PRG2: variants seen among roughly 807,000 people sequenced by gnomAD.
The protein encoded by PRG2 is proteoglycan 2, pro eosinophil major basic protein.
Under a neutral mutation model 24.7 loss-of-function variants are expected in PRG2, and 23 were observed. The observed-to-expected ratio is 0.93, with a 90% CI of 0.67 to 1.32. The LOEUF (loss-of-function observed/expected upper bound fraction) is 1.32. PRG2 is among the 40% of genes most tolerant of loss of function. The probability of loss-of-function intolerance (pLI) is 0.00; values close to 1 mark genes in which losing one functional copy is unlikely to be tolerated. For synonymous variants in PRG2, 104 were observed against 99.8 expected, an observed-to-expected ratio of 1.04 and a Z score of -0.25; for missense variants, 271 against 280.9, an observed-to-expected ratio of 0.96 and a Z score of 0.25.
chr11:57,387,381 T>G lies in PRG2; in HGVS notation c.*94A>C. The G allele has an allele frequency of 9.1e-7, 1 of 1,104,362 alleles. No individual in the cohort carries two copies. Among genetic ancestry groups the G allele is most frequent in the Non-Finnish European group, 1.3e-6 (1 of 749,582 alleles). The allele number at this position is 1,104,362 out of a possible 1,614,324, so 68.4% of individuals were successfully genotyped here. A position where few individuals can be genotyped will look rare whatever the true frequency, so the allele number is the denominator to read the frequency against. On this transcript the variant is annotated 3_prime_UTR_variant, in exon 6 of 6. Coordinates refer to ENST00000311862, the MANE Select transcript of PRG2 (RefSeq NM_002728.6). Reference sequence around the variant, plus strand: ...ATAAATCCATTTCAGTAAAACCCATTTTATTGCAGGGAGGTGGAGGGAGGG... The same window carrying G: ...ATAAATCCATTTCAGTAAAACCCATGTTATTGCAGGGAGGTGGAGGGAGGG...
At chr11:57,390,535 C>G (rs1468919194) in intron 1 of PRG2, 61 bp downstream of exon 1, 14 of 968,304 alleles carry the variant, frequency 1.4e-5, no homozygotes, top group Non-Finnish European at 1.1e-5. Context: ...TCAGCCACAG[C>G]CAGGGACCTC....
intron 3 of PRG2, 58 bp downstream of exon 3, chr11:57,388,952 G>T (rs1857102595): frequency 6.4e-7 from 1 of 1,564,414 alleles, no homozygotes; most frequent in Non-Finnish European, 8.7e-7. Context: ...GCAATGCTGG[G>T]GGCATATCCC....
intron 5 of PRG2, 54 bp downstream of exon 5, chr11:57,387,700 G>C (rs1857071566): frequency 2.8e-6 from 4 of 1,451,138 alleles, no homozygotes; most frequent in Admixed American, 2.3e-5. Context: ...CTCCTCCTTG[G>C]GGCACTTCCC....
chr11:57,388,605 A>G lies in PRG2; in HGVS notation c.470T>C (p.Val157Ala), dbSNP rs2134472749. 14 of 1,613,918 alleles carry G rather than the reference A, an allele frequency of 8.7e-6. No individual in the cohort carries two copies. The highest frequency in any genetic ancestry group is 1.2e-5 in the Non-Finnish European group (14 of 1,179,864). Residue 157 changes from valine (V) to alanine (A), a missense_variant, in exon 4 of 6, where the codon GTC (valine) becomes GCC (alanine). Coordinates refer to ENST00000311862, the MANE Select transcript of PRG2 (RefSeq NM_002728.6). ...GCCTGTGATCCTGCCTCCAATCCAG[A>G]CTTGACCCTGGTTGAGCGCGCTGAC... ...CSVSALNQGQ[V>A]WIGGRITGSG...
chr11:57,389,304 G>A lies in PRG2; in HGVS notation c.72C>T (p.Ser24=). ...VSALHLRSET[S]TFETPLGAKT... ...TAGCACCCAAAGGGGTCTCAAAGGT[G>A]GAAGTCTCAGACCCTGGCAGGGAGG... Residue 24 remains serine (S), a synonymous_variant, in exon 3 of 6, where the codon TCC becomes TCT. Transcript: ENST00000311862. The A allele has an allele frequency of 1.9e-6, 3 of 1,612,080 alleles. No individual in the cohort carries two copies. The South Asian group carries it at 3.3e-5, about 18-fold the overall frequency.
Position 57,387,764 on chromosome 11 carries a change from C to A in PRG2, c.600G>T (p.Leu200=). ...CCAGCCCCACCTCACCTCGGGTACA[C>A]AGGGCCACGCAGTGACCACCGCGGG... The part of the protein sequence containing the change: ...PWSRGGHCVA[L]CTRGGHWRRA... Residue 200 remains leucine, a synonymous_variant, in exon 5 of 6, where the codon CTG becomes CTT. Coordinates refer to ENST00000311862, the MANE Select transcript of PRG2 (RefSeq NM_002728.6). The A allele has an allele frequency of 6.3e-7, 1 of 1,579,018 alleles. No homozygotes were observed. Among genetic ancestry groups the A allele is most frequent in the East Asian group, 2.3e-5 (1 of 43,966 alleles).
chr11:57,387,746 C>T lies in PRG2; in HGVS notation c.610+8G>A, dbSNP rs1440959591. ...CCTTTCCATCGTTCATCCCCAGCCC[C>T]ACCTCACCTCGGGTACACAGGGCCA... On this transcript the variant is annotated splice_region_variant and intron_variant, in intron 5 of 5. Coordinates refer to ENST00000311862, the MANE Select transcript of PRG2 (RefSeq NM_002728.6). 3 of 1,558,060 alleles carry T rather than the reference C, an allele frequency of 1.9e-6. No individual in the cohort carries two copies. Among genetic ancestry groups the T allele is most frequent in the African/African-American group, 2.7e-5 (2 of 74,144 alleles).
At position 57,387,765 on chromosome 11, in the gene PRG2, A is replaced by T; in HGVS notation, c.599T>A (p.Leu200Gln). ...CAGCCCCACCTCACCTCGGGTACAC[A>T]GGGCCACGCAGTGACCACCGCGGGA... ...PWSRGGHCVA[L>Q]CTRGGHWRRA... The change falls in exon 5 of 6, where the codon CTG (leucine) becomes CAG (glutamine). Residue 200 changes from leucine (L) to glutamine (Q), a missense_variant. Physicochemically the swap from Leu to Gln is moderately radical, Grantham distance 113. Transcript: ENST00000311862. The T allele has an allele frequency of 6.3e-7, 1 of 1,578,980 alleles. No individual in the cohort carries two copies. Among genetic ancestry groups the T allele is most frequent in the Non-Finnish European group, 8.6e-7 (1 of 1,163,246 alleles).
intron 2 of PRG2, 116 bp downstream of exon 2, chr11:57,389,771 C>A: frequency 2.1e-6 from 2 of 973,610 alleles, no homozygotes; most frequent in South Asian, 1.7e-5. Flanking sequence ...TTTAAGCACA[C>A]AGAAATTCAG....
chr11:57,388,962 C>G (rs369796883), intron 3 of PRG2, 48 bp downstream of exon 3: 8 of 1,582,140 alleles, frequency 5.1e-6, no homozygotes, highest in South Asian at 2.3e-5. Context: ...GGGCATATCC[C>G]ACACCCGTTC....
chr11:57,387,396 TGGAG>T lies in PRG2; in HGVS notation c.*75_*78del. 1.6e-6 allele frequency: 2 copies of T among 1,236,024 alleles called. No individual in the cohort carries two copies. Among genetic ancestry groups the T allele is most frequent in the Non-Finnish European group, 2.3e-6 (2 of 864,808 alleles). The allele number at this position is 1,236,024 out of a possible 1,614,324, so 76.6% of individuals were successfully genotyped here. On this transcript the variant is annotated 3_prime_UTR_variant, in exon 6 of 6. Coordinates refer to ENST00000311862, the MANE Select transcript of PRG2 (RefSeq NM_002728.6). Reference sequence around the variant, plus strand: ...TAAAACCCATTTTATTGCAGGGAGGTGGAGGGAGGGATGGCAAGCAGAGGAGGGG... The same window carrying T: ...TAAAACCCATTTTATTGCAGGGAGGTGGAGGGATGGCAAGCAGAGGAGGGG...
chr11:57,390,216 A>T (rs1184528025), intron 1 of PRG2, among the ~76,000 whole-genome samples: 3 of 152,172 alleles, frequency 2.0e-5, no homozygotes, highest in Admixed American at 6.5e-5. Flanking sequence ...GGAAGTAAAG[A>T]AGGGACTATT....
chr11:57,387,892 G>C, intron 4 of PRG2, 27 bp from the exon 5 acceptor site: 1 of 1,511,958 alleles, frequency 6.6e-7, no homozygotes. Context: ...GGGAAGAAGG[G>C]ATGGGGCAGA....
At chr11:57,389,792 C>T (rs369223189) in intron 2 of PRG2, 95 bp downstream of exon 2, 170 of 1,130,984 alleles carry the variant, frequency 1.5e-4, no homozygotes, top group African/African-American at 1.3e-3. Flanking sequence ...AAATAGAAGA[C>T]GATCAAAGAA....
chr11:57,388,473 T>G, intron 4 of PRG2, 104 bp downstream of exon 4: 1 of 1,524,744 alleles, frequency 6.6e-7, no homozygotes, highest in Admixed American at 1.8e-5. Context: ...CTATCCCTGG[T>G]TCTTCTGGAG....
At position 57,388,725 on chromosome 11, in the gene PRG2, A is replaced by G; in HGVS notation, c.367-17T>C. 6.2e-7 allele frequency: 1 copy of G among 1,612,728 alleles called. No individual in the cohort carries two copies. On this transcript the variant is annotated splice_polypyrimidine_tract_variant and intron_variant, in intron 3 of 5. Transcript: ENST00000311862. ...GCAAGTAAACTACAGGGCAGGATAA[A>G]AGACAAAGAATGGAGCATCCTTCCT...
Position 57,387,409 on chromosome 11 carries a change from G to A in PRG2, c.*66C>T. The A allele has an allele frequency of 1.4e-6, 2 of 1,390,736 alleles. No individual in the cohort carries two copies. The highest frequency in any genetic ancestry group is 2.0e-6 in the Non-Finnish European group (2 of 998,788). The allele number at this position is 1,390,736 out of a possible 1,614,324, so 86.1% of individuals were successfully genotyped here. ...ATTGCAGGGAGGTGGAGGGAGGGAT[G>A]GCAAGCAGAGGAGGGGAGGCAGCTG... On this transcript the variant is annotated 3_prime_UTR_variant, in exon 6 of 6. Transcript: ENST00000311862.
At position 57,389,016 on chromosome 11, in the gene PRG2, T is replaced by C. The variant is rs1249907300; in HGVS notation, c.360A>G (p.Gln120=). The C allele has an allele frequency of 1.9e-6, 3 of 1,613,450 alleles. No individual in the cohort carries two copies. Among genetic ancestry groups the C allele is most frequent in the African/African-American group, 1.3e-5 (1 of 74,914 alleles). ...TCAGCCATAGGCCACTCACCCAAGC[T>C]TGACTAAACGTCTGAAGACTTCTCA... The part of the protein sequence containing the change: ...LLVRSLQTFS[Q]AWFTCRRCYR... Residue 120 remains glutamine (Q), a synonymous_variant, in exon 3 of 6, where the codon CAA becomes CAG. Coordinates refer to ENST00000311862, the MANE Select transcript of PRG2 (RefSeq NM_002728.6).
intron 2 of PRG2, 121 bp from the exon 3 acceptor site, chr11:57,389,438 AC>A: frequency 8.9e-7 from 1 of 1,124,876 alleles, no homozygotes; most frequent in Non-Finnish European, 1.2e-6. Flanking sequence ...GGGAAGGGGA[AC>A]CTGGAACCCA....
Sources: gnomAD v4.1 joint callset for allele counts (sites outside exome capture counted in the v4.1 genomes callset) on GRCh38, gnomAD v4.1.1 for gene constraint, MANE v1.5 for transcripts, NCBI Gene and HGNC (gene_info 2026-07-23, HGNC 2026-07-21) for gene names.